The following ZNF559 variants were observed in gnomAD, a reference collection of about 807,000 sequenced individuals.
ZNF559 encodes the protein zinc finger protein 559.
Under a neutral mutation model 14.2 loss-of-function variants are expected in ZNF559, and 17 were observed. That is an observed-to-expected ratio of 1.20 (90% CI 0.82 to 1.80). The LOEUF is 1.80. Among genes scored for constraint, ZNF559 ranks in the 40% most tolerant of loss-of-function variants. The probability of loss-of-function intolerance (pLI) is 0.00; values close to 1 mark genes in which losing one functional copy is unlikely to be tolerated. For synonymous variants in ZNF559, 244 were observed against 212.4 expected (o/e 1.15, Z -1.29); for missense variants, 740 against 629.7 (o/e 1.18, Z -1.88).
At chr19:9,337,707 G>T in intron 2 of ZNF559, 89 bp from the exon 3 acceptor site, 1 of 922,648 alleles carries the variant, frequency 1.1e-6, no homozygotes, top group Non-Finnish European at 1.5e-6. Flanking sequence ...CTGGCACATG[G>T]GTACTAGGTA....
At chr19:9,339,810 CCAGG>C (rs943909207) in intron 5 of ZNF559, among the ~76,000 whole-genome samples, 2 of 149,032 alleles carry the variant, frequency 1.3e-5, no homozygotes, top group Non-Finnish European at 3.0e-5. Context: ...GCTCTGTCAC[CCAGG>C]CTGGAGTGCA....
intron 2 of ZNF559, among the ~76,000 whole-genome samples, chr19:9,335,185 C>T (rs1184043480): frequency 1.3e-5 from 2 of 151,764 alleles, no homozygotes; most frequent in African/African-American, 4.8e-5. Flanking sequence ...CACCGGTAAT[C>T]CAGCACGTTG....
chr19:9,326,577 T>C (rs2066618297), intron 2 of ZNF559, among the ~76,000 whole-genome samples: 1 of 152,224 alleles, frequency 6.6e-6, no homozygotes, highest in African/African-American at 2.4e-5. Context: ...ACAAATATAA[T>C]GCAAGGCACA....
Position 9,342,739 on chromosome 19 carries a change from A to T in ZNF559, c.1288A>T (p.Ser430Cys). ...CTCATTTCTTATTCGACATTTGAGA[A>T]GTCACAGTGCAGAAAGGCCTTTTGA... ...RSSFLIRHLRSHSAERPFECE... is the reference protein window; with the variant it reads ...RSSFLIRHLRCHSAERPFECE... The change falls in exon 7 of 7, where the codon AGT becomes TGT. Residue 430 changes from serine (S) to cysteine (C), a missense_variant. Coordinates refer to ENST00000603380, the MANE Select transcript of ZNF559 (RefSeq NM_032497.3). The T allele has an allele frequency of 6.2e-7, 1 of 1,614,220 alleles. No homozygotes were observed. The highest frequency in any genetic ancestry group is 8.5e-7 in the Non-Finnish European group (1 of 1,180,028).
At chr19:9,333,442 C>T (rs1472848126) in intron 2 of ZNF559, among the ~76,000 whole-genome samples, 4 of 152,148 alleles carry the variant, frequency 2.6e-5, no homozygotes. Context: ...GTGGCTCACA[C>T]CTGTAATCCC....
rs1041997490 is a variant in ZNF559, at chr19:9,324,226, G to A, written c.-208G>A. ...TAACAGCGCGTTCCCGTTGGCGTCTGAGGTAAGTTTTTGTTTCTGGGCGGC... is the reference window on the plus strand; with the variant it reads ...TAACAGCGCGTTCCCGTTGGCGTCTAAGGTAAGTTTTTGTTTCTGGGCGGC... On this transcript the variant is annotated splice_region_variant and 5_prime_UTR_variant, in exon 1 of 7. Coordinates refer to ENST00000603380, the MANE Select transcript of ZNF559 (RefSeq NM_032497.3). The A allele has an allele frequency of 3.3e-6, 5 of 1,535,988 alleles. No individual in the cohort carries two copies. In the African/African-American group the frequency reaches 6.8e-5, roughly 21 times the overall value.
chr19:9,335,947 C>G (rs1160975419), intron 2 of ZNF559, among the ~76,000 whole-genome samples: 1 of 152,254 alleles, frequency 6.6e-6, no homozygotes, highest in Non-Finnish European at 1.5e-5. Context: ...CAGAAGGGTT[C>G]AGGGGGCTCT....
intron 6 of ZNF559, 146 bp from the exon 7 acceptor site, chr19:9,341,549 T>C (rs1400898059): frequency 3.5e-6 from 5 of 1,410,440 alleles, no homozygotes; most frequent in Non-Finnish European, 4.8e-6. Context: ...GTCTGAACCA[T>C]GCCTTGCAAT....
At chr19:9,332,583 A>C (rs1356393373) in intron 2 of ZNF559, among the ~76,000 whole-genome samples, 2 of 152,066 alleles carry the variant, frequency 1.3e-5, no homozygotes, top group Non-Finnish European at 1.5e-5. Context: ...TTGATATACT[A>C]TGGTCTAATA....
Position 9,342,645 on chromosome 19 carries a change from T to A in ZNF559, c.1194T>A (p.Ser398Arg), listed in dbSNP as rs1275030797. The change falls in exon 7 of 7, where the codon AGT becomes AGA. Residue 398 changes from serine (S) to arginine (R), a missense_variant. Transcript: ENST00000603380. The stretch of plus-strand genomic sequence containing the variant: ...TTATTAATTCCTCTTCCTTTAAAAG[T>A]CACATGCAGACTCATCCTGGTGTAA... ...KAFINSSSFK[S>R]HMQTHPGVKP... 1.2e-6 allele frequency: 2 copies of A among 1,614,064 alleles called. No individual in the cohort carries two copies. Among genetic ancestry groups the A allele is most frequent in the Non-Finnish European group, 1.7e-6 (2 of 1,180,018 alleles).
At position 9,341,550 on chromosome 19, in the gene ZNF559, G is replaced by A. The variant is rs2067586935; in HGVS notation, c.244-145G>A. The stretch of plus-strand genomic sequence containing the variant: ...TTGAAAACACTCAGGTCTGAACCAT[G>A]CCTTGCAATGAAAATGGCAGGAACA... On this transcript the variant is annotated intron_variant, in intron 6 of 6. Coordinates refer to ENST00000603380, the MANE Select transcript of ZNF559 (RefSeq NM_032497.3). The A allele has an allele frequency of 2.2e-5, 31 of 1,413,558 alleles. No homozygotes were observed. The South Asian group carries it at 3.6e-4, about 16-fold the overall frequency. 87.6% of individuals were successfully genotyped at this position (1,413,558 alleles called of 1,614,324 possible). A position where few individuals can be genotyped will look rare whatever the true frequency, so the allele number is the denominator to read the frequency against.
intron 2 of ZNF559, among the ~76,000 whole-genome samples, chr19:9,329,695 ACT>A (rs2066832673): frequency 6.6e-6 from 1 of 152,080 alleles, no homozygotes. Context: ...ACAGAGTCTC[ACT>A]CTGTTGCCCA....
intron 2 of ZNF559, among the ~76,000 whole-genome samples, chr19:9,335,255 T>G (rs1289882111): frequency 1.3e-5 from 2 of 151,742 alleles, no homozygotes; most frequent in African/African-American, 4.8e-5. Context: ...TTTCCAACAT[T>G]GCGAGGAACC....
chr19:9,330,214 A>G (rs572770116), intron 2 of ZNF559: 8 of 152,142 alleles, frequency 5.3e-5, no homozygotes, highest in Non-Finnish European at 1.2e-4. Context: ...ATTCCTTTGT[A>G]TGTAGTAAGT....
chr19:9,324,295 G>A (rs2066440146), intron 1 of ZNF559, 67 bp downstream of exon 1: 1 of 1,535,886 alleles, frequency 6.5e-7, no homozygotes, highest in South Asian at 1.2e-5. Flanking sequence ...TAGAAGGGTG[G>A]AAAGGGGAGG....
intron 2 of ZNF559, among the ~76,000 whole-genome samples, chr19:9,335,205 G>C (rs2067168347): frequency 6.6e-6 from 1 of 151,926 alleles, no homozygotes; most frequent in African/African-American, 2.4e-5. Flanking sequence ...GGGAGGTCAA[G>C]GCGGGAGGAT....
At chr19:9,328,786 A>G (rs945455101) in intron 2 of ZNF559, among the ~76,000 whole-genome samples, 5 of 152,122 alleles carry the variant, frequency 3.3e-5, no homozygotes, top group African/African-American at 1.2e-4. Flanking sequence ...GAAAACAGTA[A>G]ATTTGAGTAG....
chr19:9,333,954 A>T (rs926765774), intron 2 of ZNF559, among the ~76,000 whole-genome samples: 1 of 148,780 alleles, frequency 6.7e-6, no homozygotes, highest in Non-Finnish European at 1.5e-5. Flanking sequence ...GCCACTACAC[A>T]TATATCAGAA....
At chr19:9,330,949 A>G (rs930867930) in intron 2 of ZNF559, among the ~76,000 whole-genome samples, 2 of 152,218 alleles carry the variant, frequency 1.3e-5, no homozygotes, top group Non-Finnish European at 2.9e-5. Flanking sequence ...TGACTGGGAA[A>G]GACGTTCATC....
Sources: gnomAD v4.1 joint callset for allele counts (sites outside exome capture counted in the v4.1 genomes callset) on GRCh38, gnomAD v4.1.1 for gene constraint, MANE v1.5 for transcripts, NCBI Gene and HGNC (gene_info 2026-07-23, HGNC 2026-07-21) for gene names.